Variants in ABHD2 observed in about 807,000 individuals in gnomAD.
ABHD2 encodes abhydrolase domain containing 2, acylglycerol lipase.
ABHD2 carries 20 observed loss-of-function variants against 48.1 expected under a neutral mutation model. The observed-to-expected ratio is 0.42, with a 90% CI of 0.29 to 0.60. The LOEUF is 0.60. ABHD2 is among the 20% of genes least tolerant of loss of function. ABHD2 has a pLI of 0.24. For missense variants in ABHD2, 405 were observed against 550.9 expected, an observed-to-expected ratio of 0.74 and a Z score of 2.65; for synonymous variants, 209 against 214.2, an observed-to-expected ratio of 0.98 and a Z score of 0.21.
intron 1 of ABHD2, among the ~76,000 whole-genome samples, chr15:89,107,453 C>A (rs565917401): frequency 1.3e-5 from 2 of 151,980 alleles, no homozygotes; most frequent in Non-Finnish European, 2.9e-5. Flanking sequence ...GTTTTGTGGT[C>A]GTTTCTATCT....
rs979700544 is a variant in ABHD2, at chr15:89,112,089, C to T, written c.-106-1636C>T. 4.6e-5 allele frequency among the ~76,000 whole-genome samples: 7 copies of T among 152,142 alleles called. No homozygotes were observed. In the East Asian group the frequency reaches 7.7e-4, roughly 17 times the overall value. On this transcript the variant is annotated intron_variant, in intron 1 of 10. Transcript: ENST00000352732. ...ATTCAGGTACCATACATTATTAAAGCGGGCCAGGGATCAGTGTTGAGGTCA... is the reference window on the plus strand; with the variant it reads ...ATTCAGGTACCATACATTATTAAAGTGGGCCAGGGATCAGTGTTGAGGTCA...
chr15:89,129,651 C>A (rs2050188841), intron 3 of ABHD2, among the ~76,000 whole-genome samples: 1 of 152,138 alleles, frequency 6.6e-6, no homozygotes, highest in Admixed American at 6.5e-5. Flanking sequence ...AATCCAGAGT[C>A]CAGATCAGCA....
chr15:89,116,408 C>T lies in ABHD2; in HGVS notation c.81C>T (p.Tyr27=), dbSNP rs61753540. The T allele has an allele frequency of 1.6e-3, 2,581 of 1,614,198 alleles. 39 individuals are homozygous for T. In the African/African-American group the frequency reaches 0.03, roughly 19 times the overall value. The change falls in exon 3 of 11, where the codon TAC becomes TAT. Residue 27 remains tyrosine, a synonymous_variant. Coordinates refer to ENST00000352732, the MANE Select transcript of ABHD2 (RefSeq NM_152924.5). This position sits in a 1 kb window ranked among gnomAD's most constrained non-coding sequence, Gnocchi z 4.6. ...TGGCTGCAGTGGCTGCTGTGCTGTA[C>T]GTGATCGTCCGGTGTTTGAACCTGA... The part of the protein sequence containing the change: ...VKLAAVAAVL[Y]VIVRCLNLKS...
chr15:89,168,552 G>A lies in ABHD2; in HGVS notation c.539-7260G>A, dbSNP rs1332031705. On this transcript the variant is annotated intron_variant, in intron 5 of 10. Transcript: ENST00000352732. The surrounding 1 kb of genome is among the most constrained non-coding windows in gnomAD (Gnocchi z 4.8). ...ATGGGAGAGGTGGCATCTCTTCACA[G>A]AACATCCAGCAGTCTGTCTGACATC... is the stretch of plus-strand genomic sequence containing the variant. Among the ~76,000 whole-genome samples the A allele has an allele frequency of 6.6e-6, 1 of 152,202 alleles. No homozygotes were observed. Among genetic ancestry groups the A allele is most frequent in the Non-Finnish European group, 1.5e-5 (1 of 68,024 alleles).
At chr15:89,134,118 G>A (rs943535718) in intron 3 of ABHD2, among the ~76,000 whole-genome samples, 11 of 152,152 alleles carry the variant, frequency 7.2e-5, no homozygotes, top group Admixed American at 4.6e-4. Context: ...GATTACAGGC[G>A]TGAGCCACGG....
Position 89,201,777 on chromosome 15 carries a change from G to C in ABHD2, c.*6354G>C, listed in dbSNP as rs549981456. ...GAGGACCAGGATCTGCTCGTGCTTCGCCGTGGCCCCGGAGGCAGACGCCAT... is the reference window on the plus strand; with the variant it reads ...GAGGACCAGGATCTGCTCGTGCTTCCCCGTGGCCCCGGAGGCAGACGCCAT... On this transcript the variant is annotated 3_prime_UTR_variant, in exon 11 of 11. Coordinates refer to ENST00000352732, the MANE Select transcript of ABHD2 (RefSeq NM_152924.5). 1.3e-6 allele frequency: 2 copies of C among 1,496,694 alleles called. No homozygotes were observed. The highest frequency in any genetic ancestry group is 1.9e-6 in the Non-Finnish European group (2 of 1,075,546). The allele number at this position is 1,496,694 out of a possible 1,614,324, so 92.7% of individuals were successfully genotyped here.
the ABHD2 span, among the ~76,000 whole-genome samples, chr15:89,057,836 G>C: frequency 1.3e-5 from 2 of 151,974 alleles, no homozygotes; most frequent in Admixed American, 6.6e-5. Flanking sequence ...AAAAGCTGAG[G>C]ACTAAGAAAA....
At chr15:89,041,737 C>T in the ABHD2 span, among the ~76,000 whole-genome samples, 3 of 152,238 alleles carry the variant, frequency 2.0e-5, no homozygotes, top group Admixed American at 6.5e-5. Flanking sequence ...CTCTGCCCCT[C>T]GGTCTGCCCT....
rs2049781055 is a variant in ABHD2, at chr15:89,106,135, G to A, written c.-106-7590G>A. 3 of 152,290 alleles carry A rather than the reference G, an allele frequency of 2.0e-5. No individual in the cohort carries two copies. The highest frequency in any genetic ancestry group is 2.0e-4 in the Admixed American group (3 of 15,278). 9.4% of individuals were successfully genotyped at this position (152,290 alleles called of 1,614,324 possible). On this transcript the variant is annotated intron_variant, in intron 1 of 10. Coordinates refer to ENST00000352732, the MANE Select transcript of ABHD2 (RefSeq NM_152924.5). The surrounding 1 kb of genome is among the most constrained non-coding windows in gnomAD (Gnocchi z 4.2). ...TCGAGACCAGCCTGGCTAACATGGT[G>A]AAACCCCGTTTTTACTAAAAATGCA...
rs1009533901 is a variant in ABHD2, at chr15:89,146,796, T to G, written c.195-4881T>G. On this transcript the variant is annotated intron_variant, in intron 3 of 10. Coordinates refer to ENST00000352732, the MANE Select transcript of ABHD2 (RefSeq NM_152924.5). The surrounding 1 kb of genome is among the most constrained non-coding windows in gnomAD (Gnocchi z 4.2). Reference sequence around the variant, plus strand: ...AATGAAATTTTACTATAGGATTTAATGGAGAGATGTACCATGTTTTTGGAT... The same window carrying G: ...AATGAAATTTTACTATAGGATTTAAGGGAGAGATGTACCATGTTTTTGGAT... 3.3e-5 allele frequency among the ~76,000 whole-genome samples: 5 copies of G among 152,182 alleles called. No individual in the cohort carries two copies. The highest frequency in any genetic ancestry group is 7.2e-5 in the African/African-American group (3 of 41,436).
chr15:89,084,980 A>C (rs1354763138), upstream of ABHD2, among the ~76,000 whole-genome samples: 2 of 152,156 alleles, frequency 1.3e-5, no homozygotes, highest in Non-Finnish European at 2.9e-5. This position sits in a 1 kb window ranked among gnomAD's most constrained non-coding sequence, Gnocchi z 4.4. Flanking sequence ...CTTTCTCTGA[A>C]CCATCCCCCG....
At chr15:89,083,123 G>A (rs976019937), upstream of ABHD2, among the ~76,000 whole-genome samples, 2 of 152,284 alleles carry the variant, frequency 1.3e-5, no homozygotes, top group Middle Eastern at 3.4e-3. The surrounding 1 kb of genome is among the most constrained non-coding windows in gnomAD (Gnocchi z 5.1). Flanking sequence ...CCAAACTGCT[G>A]GGATTACAGG....
rs748499312 is a variant in ABHD2 at position 89,186,037 on chromosome 15, G to A, written c.815+521G>A. Among the ~76,000 whole-genome samples, 38 of 152,204 alleles carry A rather than the reference G, an allele frequency of 2.5e-4. No individual in the cohort carries two copies. Among genetic ancestry groups the A allele is most frequent in the Non-Finnish European group, 4.9e-4 (33 of 68,038 alleles). On this transcript the variant is annotated intron_variant, in intron 7 of 10. Transcript: ENST00000352732. The surrounding 1 kb of genome is among the most constrained non-coding windows in gnomAD (Gnocchi z 4.3). ...TTGCCTTATGCTTTTATAATTCCCA[G>A]TAAATCTAAGACAATGAACCACTTC...
intron 3 of ABHD2, among the ~76,000 whole-genome samples, chr15:89,138,609 T>C (rs764540127): frequency 9.2e-5 from 14 of 152,330 alleles, no homozygotes; most frequent in Non-Finnish European, 1.2e-4. Flanking sequence ...GTGAGAAACA[T>C]GCAAAACGAA....
chr15:89,043,690 AG>A, the ABHD2 span, among the ~76,000 whole-genome samples: 1 of 113,204 alleles, frequency 8.8e-6, no homozygotes, highest in Admixed American at 9.6e-5. Context: ...GAGGAGGGGG[AG>A]GAGGAGGAGA....
chr15:89,067,313 C>T, the ABHD2 span, among the ~76,000 whole-genome samples: 1 of 152,206 alleles, frequency 6.6e-6, no homozygotes, highest in South Asian at 2.1e-4. Context: ...GACAGTTTAG[C>T]ATTTTCTTTG....
Position 89,186,907 on chromosome 15 carries a change from G to A in ABHD2, c.816-1286G>A, listed in dbSNP as rs940322752. 6.6e-6 allele frequency among the ~76,000 whole-genome samples: 1 copy of A among 152,226 alleles called. No homozygotes were observed. The highest frequency in any genetic ancestry group is 1.9e-4 in the East Asian group (1 of 5,202). Reference sequence around the variant, plus strand: ...CTTGAAGGCCCCATCAGGCTGCCACGTTGCCAAACATGTCCTTGTGTCCTC... The same window carrying A: ...CTTGAAGGCCCCATCAGGCTGCCACATTGCCAAACATGTCCTTGTGTCCTC... On this transcript the variant is annotated intron_variant, in intron 7 of 10. Coordinates refer to ENST00000352732, the MANE Select transcript of ABHD2 (RefSeq NM_152924.5). This position sits in a 1 kb window ranked among gnomAD's most constrained non-coding sequence, Gnocchi z 4.3.
rs1596175116 is a variant in ABHD2, at chr15:89,199,454, A to T, written c.*4031A>T. The T allele has an allele frequency of 6.6e-6, 1 of 152,622 alleles. No individual in the cohort carries two copies. Among genetic ancestry groups the T allele is most frequent in the South Asian group, 2.1e-4 (1 of 4,832 alleles). The allele number at this position is 152,622 out of a possible 1,614,324, so 9.5% of individuals were successfully genotyped here. On this transcript the variant is annotated 3_prime_UTR_variant, in exon 11 of 11. Transcript: ENST00000352732. This position sits in a 1 kb window ranked among gnomAD's most constrained non-coding sequence, Gnocchi z 4.1. ...GCCCAGAAAGCCTTAACTTGCCTCT[A>T]GAGAATCCCTGGTATTACAACGATA...
chr15:89,135,551 C>G (rs772377153), intron 3 of ABHD2: 40 of 1,435,710 alleles, frequency 2.8e-5, no homozygotes, highest in Admixed American at 1.8e-4. Context: ...ACTTATTCAT[C>G]ATCATCTTCA....
Sources: allele counts gnomAD v4.1 joint callset (sites outside exome capture counted in the v4.1 genomes callset), GRCh38; gene constraint gnomAD v4.1.1; non-coding constraint Gnocchi (gnomAD v3.1); transcripts MANE v1.5; gene names NCBI Gene and HGNC (gene_info 2026-07-23, HGNC 2026-07-21).